MDGA2: variants seen among roughly 807,000 people sequenced by gnomAD.
MDGA2 encodes MAM domain-containing glycosylphosphatidylinositol anchor protein 2.
MDGA2 carries 40 observed loss-of-function variants against 117.8 expected under a neutral mutation model. That is an observed-to-expected ratio of 0.34 (90% confidence interval 0.26 to 0.44). The LOEUF is 0.44. MDGA2 is among the 20% of genes least tolerant of loss of function. The probability of loss-of-function intolerance (pLI) is 1.00; values close to 1 mark genes in which losing one functional copy is unlikely to be tolerated. For synonymous variants in MDGA2, 452 were observed against 439.0 expected, an observed-to-expected ratio of 1.03 and a Z score of -0.37; for missense variants, 1,123 against 1,250.6, an observed-to-expected ratio of 0.90 and a Z score of 1.54.
At chr14:47,403,242 G>T (rs547153674) in intron 1 of MDGA2, among the ~76,000 whole-genome samples, 2 of 152,154 alleles carry the variant, frequency 1.3e-5, no homozygotes, top group East Asian at 1.9e-4. Flanking sequence ...CATTCAGTTG[G>T]GCATTTTCTT....
At chr14:47,563,578 G>GTTTTT (rs56244321) in intron 1 of MDGA2, among the ~76,000 whole-genome samples, 692 of 56,624 alleles carry the variant, frequency 0.012, 33 homozygotes, top group Non-Finnish European at 0.016. Flanking sequence ...GCTTTTTTCT[G>GTTTTT]TTTTTTTTTT....
At chr14:47,336,812 CT>C (rs1417475515) in intron 1 of MDGA2, among the ~76,000 whole-genome samples, 2 of 151,742 alleles carry the variant, frequency 1.3e-5, no homozygotes, top group Non-Finnish European at 2.9e-5. Context: ...TTTTTATTTA[CT>C]TTTTTAGTTT....
chr14:47,638,100 T>A (rs1054526500), intron 1 of MDGA2, among the ~76,000 whole-genome samples: 1 of 152,112 alleles, frequency 6.6e-6, no homozygotes. Context: ...GCCCCTGACA[T>A]CCACAGTCAG....
chr14:47,290,763 GTAGAGGATT>G (rs1888856926), intron 2 of MDGA2, among the ~76,000 whole-genome samples: 1 of 150,618 alleles, frequency 6.6e-6, no homozygotes, highest in African/African-American at 2.4e-5. Context: ...GGGAAACCAT[GTAGAGGATT>G]TAGAACAGTG....
intron 1 of MDGA2, among the ~76,000 whole-genome samples, chr14:47,316,667 GA>G (rs1889819975): frequency 6.6e-6 from 1 of 152,002 alleles, no homozygotes; most frequent in African/African-American, 2.4e-5. Flanking sequence ...TCAATCACTA[GA>G]ATCAGCATTT....
At chr14:47,504,078 T>G (rs921562756) in intron 1 of MDGA2, among the ~76,000 whole-genome samples, 2 of 152,210 alleles carry the variant, frequency 1.3e-5, no homozygotes, top group African/African-American at 4.8e-5. Flanking sequence ...CAATACTTAT[T>G]GATTACATTG....
At chr14:47,333,450 T>C (rs910960261) in intron 1 of MDGA2, among the ~76,000 whole-genome samples, 2 of 152,068 alleles carry the variant, frequency 1.3e-5, no homozygotes, top group Middle Eastern at 3.4e-3. Context: ...ATGAACAGTG[T>C]GTAAAGATTA....
intron 9 of MDGA2, among the ~76,000 whole-genome samples, chr14:46,934,405 A>G (rs1346023059): frequency 2.6e-5 from 4 of 152,162 alleles, no homozygotes; most frequent in Non-Finnish European, 1.5e-5. Context: ...AACTTTCACA[A>G]ATATTAACTT....
intron 3 of MDGA2, among the ~76,000 whole-genome samples, chr14:47,193,717 TCACAG>T (rs1215175178): frequency 6.6e-6 from 1 of 152,198 alleles, no homozygotes; most frequent in Non-Finnish European, 1.5e-5. Flanking sequence ...TAGCCTGGAT[TCACAG>T]CACACCTAGA....
chr14:47,029,906 C>T (rs1319256312), intron 8 of MDGA2, among the ~76,000 whole-genome samples: 1 of 151,958 alleles, frequency 6.6e-6, no homozygotes, highest in Non-Finnish European at 1.5e-5. Flanking sequence ...CGGGTCACTG[C>T]AACCTCTACC....
chr14:47,348,601 G>T (rs1890813261), intron 1 of MDGA2, among the ~76,000 whole-genome samples: 1 of 152,028 alleles, frequency 6.6e-6, no homozygotes, highest in South Asian at 2.1e-4. Flanking sequence ...TCTCGAGAAG[G>T]CAAAAAGGGA....
At chr14:47,341,453 T>C (rs1890620426) in intron 1 of MDGA2, among the ~76,000 whole-genome samples, 1 of 152,172 alleles carries the variant, frequency 6.6e-6, no homozygotes, top group African/African-American at 2.4e-5. Flanking sequence ...AAATATCTGC[T>C]CTTTGGTACG....
intron 1 of MDGA2, among the ~76,000 whole-genome samples, chr14:47,484,027 T>C (rs759938255): frequency 6.6e-6 from 1 of 152,182 alleles, no homozygotes; most frequent in Non-Finnish European, 1.5e-5. Context: ...AAAATAAGTT[T>C]TGTCTAATTA....
intron 2 of MDGA2, among the ~76,000 whole-genome samples, chr14:47,267,699 A>T (rs1316508437): frequency 6.6e-6 from 1 of 151,986 alleles, no homozygotes; most frequent in Non-Finnish European, 1.5e-5. Flanking sequence ...ATCTTCCTCA[A>T]TTGTTTTTTT....
intron 15 of MDGA2, among the ~76,000 whole-genome samples, chr14:46,849,868 T>C (rs1880992388): frequency 3.3e-5 from 5 of 151,880 alleles, no homozygotes; most frequent in Admixed American, 3.3e-4. Flanking sequence ...TCAGTACTTC[T>C]GAAATGCATT....
intron 3 of MDGA2, among the ~76,000 whole-genome samples, chr14:47,176,810 T>G (rs1460423984): frequency 4.6e-5 from 7 of 152,028 alleles, no homozygotes; most frequent in Admixed American, 3.3e-4. Context: ...TGGGATCTAA[T>G]TAAACTAAAG....
In MDGA2 at chr14:47,591,101, A is replaced by G. The variant is rs56293511; in HGVS notation, c.280+83416T>C. 9.9e-3 allele frequency among the ~76,000 whole-genome samples: 1,512 copies of G among 152,200 alleles called. 10 individuals carry two copies. Among genetic ancestry groups the G allele is most frequent in the Non-Finnish European group, 0.016 (1,062 of 67,970 alleles). ...TTGATAAGTCAAAAGAAATGATTCT[A>G]GTCTATGGAATCTTATAACATTTTA... On this transcript the variant is annotated intron_variant, in intron 1 of 16. Coordinates refer to ENST00000399232, the MANE Select transcript of MDGA2 (RefSeq NM_001113498.3).
At chr14:47,525,218 G>A (rs1894947148) in intron 1 of MDGA2, among the ~76,000 whole-genome samples, 1 of 152,174 alleles carries the variant, frequency 6.6e-6, no homozygotes, top group Non-Finnish European at 1.5e-5. Flanking sequence ...TACGGTAATT[G>A]TCTCACTTAC....
At chr14:47,061,032 T>C (rs1363035759) in intron 7 of MDGA2, among the ~76,000 whole-genome samples, 1 of 152,014 alleles carries the variant, frequency 6.6e-6, no homozygotes, top group Non-Finnish European at 1.5e-5. Flanking sequence ...ATTAATTTTA[T>C]TTGGATAATT....
Sources: allele counts gnomAD v4.1 joint callset (sites outside exome capture counted in the v4.1 genomes callset), GRCh38; gene constraint gnomAD v4.1.1; transcripts MANE v1.5; gene names NCBI Gene and HGNC (gene_info 2026-07-23, HGNC 2026-07-21).